The following AKAP6 variants were observed in gnomAD, a reference collection of about 807,000 sequenced individuals.
AKAP6 encodes the protein A-kinase anchoring protein 6.
A neutral mutation model predicts 188.5 loss-of-function variants in AKAP6; 58 were observed. That is an observed-to-expected ratio of 0.31 (90% CI 0.25 to 0.38). AKAP6 has a LOEUF of 0.38. Among genes scored for constraint, AKAP6 ranks in the 10% least tolerant of loss-of-function variants. The pLI is 1.00. For missense variants in AKAP6, 2,710 were observed against 2,740.0 expected, an observed-to-expected ratio of 0.99 and a Z score of 0.24; for synonymous variants, 989 against 998.6, an observed-to-expected ratio of 0.99 and a Z score of 0.18.
intron 9 of AKAP6, among the ~76,000 whole-genome samples, chr14:32,718,071 T>C (rs1220436311): frequency 1.3e-5 from 2 of 152,152 alleles, no homozygotes; most frequent in Non-Finnish European, 2.9e-5. Flanking sequence ...GATCTAAAGA[T>C]GTATTTTCAA....
At chr14:32,719,832 C>A (rs747982472) in intron 9 of AKAP6, among the ~76,000 whole-genome samples, 21 of 152,042 alleles carry the variant, frequency 1.4e-4, no homozygotes, top group Non-Finnish European at 2.5e-4. Flanking sequence ...TCAGAGAGAT[C>A]CAGTCTATTT....
intron 2 of AKAP6, among the ~76,000 whole-genome samples, chr14:32,493,364 C>T (rs1250871682): frequency 1.3e-5 from 2 of 152,008 alleles, no homozygotes; most frequent in Non-Finnish European, 2.9e-5. Flanking sequence ...ACCACTACAC[C>T]TGGCTAATTT....
intron 9 of AKAP6, among the ~76,000 whole-genome samples, chr14:32,708,030 C>A (rs1045463570): frequency 6.6e-6 from 1 of 152,024 alleles, no homozygotes; most frequent in African/African-American, 2.4e-5. Context: ...TAGTCTCCAG[C>A]CTCTCAAACC....
At chr14:32,407,830 C>T (rs139904881) in intron 1 of AKAP6, among the ~76,000 whole-genome samples, 66 of 152,212 alleles carry the variant, frequency 4.3e-4, no homozygotes, top group Non-Finnish European at 8.2e-4. Context: ...GATGTATCAA[C>T]GTGGAGGAGA....
chr14:32,560,052 C>A, intron 4 of AKAP6, among the ~76,000 whole-genome samples: 1 of 151,834 alleles, frequency 6.6e-6, no homozygotes, highest in East Asian at 1.9e-4. Context: ...AAATTTCAAG[C>A]TGAAATTTGG....
chr14:32,473,228 A>T, intron 2 of AKAP6, among the ~76,000 whole-genome samples: 1 of 152,080 alleles, frequency 6.6e-6, no homozygotes, highest in Non-Finnish European at 1.5e-5. Flanking sequence ...GGCAATGGGG[A>T]TGGGGACTGC....
At chr14:32,739,615 A>G (rs936679905) in intron 11 of AKAP6, among the ~76,000 whole-genome samples, 1 of 152,090 alleles carries the variant, frequency 6.6e-6, no homozygotes, top group Non-Finnish European at 1.5e-5. Context: ...AAGTGAGAAC[A>G]TGCAATGTTT....
intron 2 of AKAP6, among the ~76,000 whole-genome samples, chr14:32,482,850 T>A (rs1879425193): frequency 6.6e-6 from 1 of 152,146 alleles, no homozygotes; most frequent in Non-Finnish European, 1.5e-5. Context: ...CCTCTATTAA[T>A]GGAGGTTTTA....
Position 32,824,727 on chromosome 14 carries a change from ATCT to A in AKAP6, c.6918_6920del (p.Leu2307del), listed in dbSNP as rs772550615. On this transcript the variant is annotated inframe_deletion, in exon 13 of 14. Coordinates refer to ENST00000280979, the MANE Select transcript of AKAP6 (RefSeq NM_004274.5). ...CCCAAAACTTTAACCTGTGAAGAAAATCTTCTAAACCTTCATGAAAAACGACAT... is the reference window on the plus strand; with the variant it reads ...CCCAAAACTTTAACCTGTGAAGAAAATCTAAACCTTCATGAAAAACGACAT... The A allele has an allele frequency of 6.2e-7, 1 of 1,613,452 alleles. No individual in the cohort carries two copies. The highest frequency in any genetic ancestry group is 1.1e-5 in the South Asian group (1 of 90,918).
chr14:32,553,426 C>G (rs1883563905), intron 4 of AKAP6, among the ~76,000 whole-genome samples: 1 of 152,114 alleles, frequency 6.6e-6, no homozygotes, highest in Admixed American at 6.5e-5. Context: ...CTTGCCTTGG[C>G]CTCCCGAAGT....
chr14:32,377,372 AACAC>A (rs1235065285), intron 1 of AKAP6, among the ~76,000 whole-genome samples: 2 of 152,216 alleles, frequency 1.3e-5, no homozygotes, highest in Non-Finnish European at 2.9e-5. Flanking sequence ...TGAACTGTAT[AACAC>A]ATTCAGCCAT....
At chr14:32,487,841 G>A (rs946121773) in intron 2 of AKAP6, among the ~76,000 whole-genome samples, 1 of 152,174 alleles carries the variant, frequency 6.6e-6, no homozygotes, top group African/African-American at 2.4e-5. Flanking sequence ...AGGTCCACTC[G>A]AGACCCTGTT....
chr14:32,509,365 C>A (rs2139012739), intron 2 of AKAP6, among the ~76,000 whole-genome samples: 1 of 151,900 alleles, frequency 6.6e-6, no homozygotes, highest in African/African-American at 2.4e-5. Context: ...TGAGCTCAGG[C>A]AATCTGCCCA....
chr14:32,754,321 A>G (rs1407242512), intron 11 of AKAP6, among the ~76,000 whole-genome samples: 6 of 152,074 alleles, frequency 3.9e-5, no homozygotes, highest in Non-Finnish European at 5.9e-5. Context: ...TCTTTTGGTT[A>G]CCATTTGCAT....
intron 1 of AKAP6, among the ~76,000 whole-genome samples, chr14:32,371,920 T>C (rs1888019540): frequency 6.6e-6 from 1 of 152,134 alleles, no homozygotes; most frequent in Non-Finnish European, 1.5e-5. Flanking sequence ...ACTCTTTCAC[T>C]CCTATTTCTC....
At chr14:32,584,067 A>G (rs1431275383) in intron 5 of AKAP6, among the ~76,000 whole-genome samples, 1 of 152,212 alleles carries the variant, frequency 6.6e-6, no homozygotes, top group Non-Finnish European at 1.5e-5. Flanking sequence ...CATCTTCTGC[A>G]TCACTCACGC....
intron 7 of AKAP6, among the ~76,000 whole-genome samples, chr14:32,673,709 T>C (rs376253672): frequency 6.6e-6 from 1 of 152,140 alleles, no homozygotes; most frequent in Non-Finnish European, 1.5e-5. Flanking sequence ...CACTCCAGCT[T>C]GGGCAGTAGA....
intron 1 of AKAP6, among the ~76,000 whole-genome samples, chr14:32,387,071 T>G (rs1376147860): frequency 6.6e-6 from 1 of 151,954 alleles, no homozygotes; most frequent in South Asian, 2.1e-4. Flanking sequence ...AGGAGTTGAG[T>G]TCTTGAGTTT....
chr14:32,734,066 A>C (rs1173094663), intron 10 of AKAP6: 1 of 152,178 alleles, frequency 6.6e-6, no homozygotes, highest in East Asian at 1.9e-4. Context: ...TATGAATCAG[A>C]GACTTTAAAA....
Sources: allele counts gnomAD v4.1 joint callset (sites outside exome capture counted in the v4.1 genomes callset), GRCh38; gene constraint gnomAD v4.1.1; transcripts MANE v1.5; gene names NCBI Gene and HGNC (gene_info 2026-07-23, HGNC 2026-07-21).